Variants in PTPN13 observed in about 807,000 individuals in gnomAD.
PTPN13 encodes tyrosine-protein phosphatase non-receptor type 13.
In PTPN13, 191 loss-of-function variants were observed where a neutral mutation model predicts 284.0. That is an observed-to-expected ratio of 0.67 (90% CI 0.60 to 0.76). The LOEUF (loss-of-function observed/expected upper bound fraction) is 0.76. PTPN13 is among the 30% of genes least tolerant of loss of function. The probability of loss-of-function intolerance (pLI) is 0.00; values close to 1 mark genes in which losing one functional copy is unlikely to be tolerated. For synonymous variants in PTPN13, 986 were observed against 1,022.3 expected, an observed-to-expected ratio of 0.96 and a Z score of 0.68; for missense variants, 2,797 against 2,939.9, an observed-to-expected ratio of 0.95 and a Z score of 1.12.
At chr4:86,778,027 T>A (rs1740852894) in intron 35 of PTPN13, among the ~76,000 whole-genome samples, 1 of 152,210 alleles carries the variant, frequency 6.6e-6, no homozygotes, top group African/African-American at 2.4e-5. Context: ...TCTTTCTGCT[T>A]TTATCTTAGC....
chr4:86,811,558 A>G (rs1482591977), intron 47 of PTPN13, among the ~76,000 whole-genome samples: 1 of 152,220 alleles, frequency 6.6e-6, no homozygotes, highest in Non-Finnish European at 1.5e-5. Flanking sequence ...TCAAGAAGAC[A>G]TTCTGTAAGG....
At chr4:86,704,832 G>A (rs960170420) in intron 7 of PTPN13, among the ~76,000 whole-genome samples, 12 of 152,180 alleles carry the variant, frequency 7.9e-5, no homozygotes, top group African/African-American at 2.9e-4. Flanking sequence ...ACCTAAAAAT[G>A]TTGGATTATT....
At chr4:86,794,754 G>A (rs1262126194) in intron 40 of PTPN13, among the ~76,000 whole-genome samples, 3 of 152,052 alleles carry the variant, frequency 2.0e-5, no homozygotes, top group Non-Finnish European at 4.4e-5. Flanking sequence ...CCCATCTACA[G>A]CCATCTGATC....
intron 35 of PTPN13, 115 bp downstream of exon 35, chr4:86,775,767 G>A: frequency 2.3e-6 from 2 of 863,298 alleles, no homozygotes; most frequent in Non-Finnish European, 3.5e-6. Context: ...AGACTAAATT[G>A]GCAGGACTTA....
intron 5 of PTPN13, among the ~76,000 whole-genome samples, chr4:86,690,605 G>A (rs1346990990): frequency 1.3e-5 from 2 of 151,838 alleles, no homozygotes; most frequent in Admixed American, 6.6e-5. Context: ...AAACAACTAT[G>A]GGATTTGAGT....
intron 40 of PTPN13, among the ~76,000 whole-genome samples, chr4:86,793,463 G>A (rs539955685): frequency 1.3e-5 from 2 of 152,152 alleles, no homozygotes; most frequent in South Asian, 4.2e-4. Context: ...AAGGTTAACA[G>A]GGATATCCAG....
chr4:86,643,069 G>C (rs926539371), intron 2 of PTPN13, among the ~76,000 whole-genome samples: 4 of 152,178 alleles, frequency 2.6e-5, no homozygotes, highest in Non-Finnish European at 5.9e-5. Flanking sequence ...TGATTAGTCA[G>C]AGGAAGAGAC....
chr4:86,719,916 TTGTC>T (rs1454196349), intron 9 of PTPN13, among the ~76,000 whole-genome samples: 1 of 152,180 alleles, frequency 6.6e-6, no homozygotes, highest in Non-Finnish European at 1.5e-5. Flanking sequence ...ATTTTGTAGG[TTGTC>T]TGTTTACTCT....
intron 16 of PTPN13, among the ~76,000 whole-genome samples, chr4:86,744,280 AT>A (rs1426719792): frequency 6.6e-6 from 1 of 152,154 alleles, no homozygotes; most frequent in Non-Finnish European, 1.5e-5. Flanking sequence ...ATCATTATAT[AT>A]TAATAAAAAA....
intron 3 of PTPN13, among the ~76,000 whole-genome samples, chr4:86,677,634 GTTT>G (rs1268754143): frequency 1.4e-5 from 2 of 140,274 alleles, no homozygotes; most frequent in African/African-American, 2.6e-5. Context: ...TCTTGTGTGG[GTTT>G]TTTTTTTTTT....
intron 3 of PTPN13, among the ~76,000 whole-genome samples, chr4:86,683,126 G>C (rs147601397): frequency 3.3e-5 from 5 of 152,110 alleles, no homozygotes; most frequent in Admixed American, 6.5e-5. Flanking sequence ...GTTCTGCAGA[G>C]AAACAGAACC....
rs115488124 is a variant in PTPN13, at chr4:86,647,869, C to T, written c.115+12498C>T. ...AGTAGTCAGAAGAAACCAACCCTGCCAGCACCTTGATTTTGCACTTTTACA... is the reference window on the plus strand; with the variant it reads ...AGTAGTCAGAAGAAACCAACCCTGCTAGCACCTTGATTTTGCACTTTTACA... On this transcript the variant is annotated intron_variant, in intron 2 of 47. Coordinates refer to ENST00000411767, the MANE Select transcript of PTPN13 (RefSeq NM_080683.3). 3.3e-3 allele frequency among the ~76,000 whole-genome samples: 502 copies of T among 152,104 alleles called. 3 individuals carry two copies. The highest frequency in any genetic ancestry group is 0.011 in the African/African-American group (474 of 41,484).
intron 47 of PTPN13, 43 bp from the exon 48 acceptor site, chr4:86,814,413 A>T: frequency 8.0e-7 from 1 of 1,255,964 alleles, no homozygotes; most frequent in Non-Finnish European, 1.1e-6. Context: ...TAATATTTAC[A>T]TTATACATCT....
intron 47 of PTPN13, among the ~76,000 whole-genome samples, chr4:86,812,988 G>A (rs374497077): frequency 8.5e-5 from 13 of 152,076 alleles, no homozygotes; most frequent in African/African-American, 2.7e-4. Context: ...GAAACAGGAC[G>A]TGATGTGAAG....
At chr4:86,732,880 G>A (rs1735099123) in intron 12 of PTPN13, 114 bp downstream of exon 12, 1 of 786,046 alleles carries the variant, frequency 1.3e-6, no homozygotes, top group African/African-American at 1.7e-5. Context: ...AAATGAACTA[G>A]TCAGTAGAAG....
Position 86,701,530 on chromosome 4 carries a change from A to C in PTPN13, c.924A>C (p.Thr308=). The C allele has an allele frequency of 6.2e-7, 1 of 1,614,010 alleles. No homozygotes were observed. The highest frequency in any genetic ancestry group is 2.2e-5 in the East Asian group (1 of 44,888). Residue 308 remains threonine (T), a synonymous_variant, in exon 7 of 48, where the codon ACA becomes ACC. Transcript: ENST00000411767. ...CTTCATCCATGGACTTGCTTTGTAC[A>C]GCTGACAGAGACTTCTCTTCAGGAG... ...IWASSMDLLC[T]ADRDFSSGET... is the part of the protein sequence containing the mutation.
At chr4:86,692,583 C>T (rs1578425883) in intron 5 of PTPN13, among the ~76,000 whole-genome samples, 1 of 152,148 alleles carries the variant, frequency 6.6e-6, no homozygotes, top group East Asian at 1.9e-4. Context: ...CATTTCTCCT[C>T]TATTTGGCCA....
intron 3 of PTPN13, among the ~76,000 whole-genome samples, chr4:86,680,376 T>C (rs1728753829): frequency 1.3e-5 from 2 of 151,762 alleles, no homozygotes; most frequent in African/African-American, 4.9e-5. Flanking sequence ...TATCTATCTA[T>C]CTATCTATCT....
intron 27 of PTPN13, among the ~76,000 whole-genome samples, chr4:86,766,905 A>G (rs956577589): frequency 2.0e-5 from 3 of 152,092 alleles, no homozygotes; most frequent in African/African-American, 4.8e-5. Context: ...CAAATTATCT[A>G]TAATGGTCTT....
Sources: allele counts gnomAD v4.1 joint callset (sites outside exome capture counted in the v4.1 genomes callset), GRCh38; gene constraint gnomAD v4.1.1; transcripts MANE v1.5; gene names NCBI Gene and HGNC (gene_info 2026-07-23, HGNC 2026-07-21).